HSP90AA1: variants seen among roughly 807,000 people sequenced by gnomAD.
HSP90AA1 encodes the protein heat shock protein 90 alpha family class A member 1, also known as heat shock protein HSP 90-alpha.
Under a neutral mutation model 73.3 loss-of-function variants are expected in HSP90AA1, and 18 were observed. That is an observed-to-expected ratio of 0.25 (90% CI 0.17 to 0.36). The LOEUF is 0.36. Ranked by LOEUF, HSP90AA1 falls within the 10% of genes least tolerant of loss-of-function variation. The probability of loss-of-function intolerance (pLI) is 1.00; values close to 1 mark genes in which losing one functional copy is unlikely to be tolerated. For missense variants in HSP90AA1, 704 were observed against 874.2 expected, an observed-to-expected ratio of 0.81 and a Z score of 2.45; for synonymous variants, 477 against 296.9, an observed-to-expected ratio of 1.61 and a Z score of -6.24.
intron 1 of HSP90AA1, among the ~76,000 whole-genome samples, chr14:102,110,654 AC>A (rs1321158108): frequency 6.7e-6 from 1 of 149,740 alleles, no homozygotes; most frequent in Non-Finnish European, 1.5e-5. Flanking sequence ...ATCTTGGCTC[AC>A]TGCAAGCTCC....
In HSP90AA1 at chr14:102,084,937, T is replaced by C; in HGVS notation, c.725A>G (p.Glu242Gly). The C allele has an allele frequency of 6.3e-7, 1 of 1,597,998 alleles. No individual in the cohort carries two copies. The highest frequency in any genetic ancestry group is 1.1e-5 in the South Asian group (1 of 90,720). ...DDEAEEKEDKEEEKEKEEKES... is the reference protein window; with the variant it reads ...DDEAEEKEDKGEEKEKEEKES... ...TTTCTCTTCTTTTTCTTTTTCTTCT[T>C]CTTTGTCTTCCTTTTCTTCAGCCTC... The change falls in exon 5 of 11, where the codon GAA (glutamate) becomes GGA (glycine). Residue 242 changes from glutamate (E) to glycine (G), a missense_variant. Transcript: ENST00000216281.
chr14:102,091,571 A>G (rs574788703), upstream of HSP90AA1, among the ~76,000 whole-genome samples: 3 of 152,104 alleles, frequency 2.0e-5, no homozygotes, highest in Admixed American at 6.5e-5. Flanking sequence ...GGCTGCAGTG[A>G]GCCGAGATTG....
Position 102,085,984 on chromosome 14 carries a change from A to T in HSP90AA1, c.303T>A (p.Ala101=). ...TAGTACCAAGGTTATTGATCAAGTC[A>T]GCCTTGGTCATTCCAATTCCAGTAT... ...IVDTGIGMTK[A]DLINNLGTIA... is the part of the protein sequence containing the mutation. The change falls in exon 3 of 11, where the codon GCT becomes GCA. Residue 101 remains alanine, a synonymous_variant. Transcript: ENST00000216281. 1 of 1,614,008 alleles carries T rather than the reference A, an allele frequency of 6.2e-7. No individual in the cohort carries two copies.
intron 6 of HSP90AA1, chr14:102,084,197 C>A (rs866811068): frequency 3.7e-5 from 25 of 674,456 alleles, no homozygotes; most frequent in Middle Eastern, 3.2e-4. Context: ...CCTCAGCCTG[C>A]CACTACATGG....
intron 1 of HSP90AA1, among the ~76,000 whole-genome samples, chr14:102,120,190 C>T (rs2049758211): frequency 6.6e-6 from 1 of 151,948 alleles, no homozygotes; most frequent in Non-Finnish European, 1.5e-5. Flanking sequence ...ACAGTGGGAC[C>T]CCATCTCTGC....
chr14:102,127,073 T>G (rs1376444483), intron 1 of HSP90AA1, among the ~76,000 whole-genome samples: 3 of 151,038 alleles, frequency 2.0e-5, no homozygotes, highest in African/African-American at 4.9e-5. Context: ...CTTCATAGCC[T>G]CCTCCCAATA....
In HSP90AA1 at chr14:102,106,786, T is replaced by C. The variant is rs371169808; in HGVS notation, c.156-4701A>G. On this transcript the variant is annotated intron_variant, in intron 1 of 11. Transcript: ENST00000334701. ...CTTGAACTCCTGACCTCAGGTGATC[T>C]ACCCACCTCGGCCTCCCAAAGTGCA... Among the ~76,000 whole-genome samples, 342 of 151,504 alleles carry C rather than the reference T, an allele frequency of 2.3e-3. 2 individuals are homozygous for C. Among genetic ancestry groups the C allele is most frequent in the African/African-American group, 7.7e-3 (315 of 40,936 alleles).
intron 1 of HSP90AA1, among the ~76,000 whole-genome samples, chr14:102,108,364 C>T (rs1412040827): frequency 6.6e-6 from 1 of 150,662 alleles, no homozygotes; most frequent in Non-Finnish European, 1.5e-5. Flanking sequence ...GCTAGGACTA[C>T]AGCCTTGTGC....
chr14:102,125,523 G>A (rs1566735668), intron 1 of HSP90AA1, among the ~76,000 whole-genome samples: 1 of 152,070 alleles, frequency 6.6e-6, no homozygotes, highest in South Asian at 2.1e-4. Flanking sequence ...GTGAACAATG[G>A]GCATGCTAAG....
At chr14:102,113,006 C>CA (rs1173205438) in intron 1 of HSP90AA1, among the ~76,000 whole-genome samples, 1 of 151,948 alleles carries the variant, frequency 6.6e-6, no homozygotes, top group Non-Finnish European at 1.5e-5. Flanking sequence ...TCATTTGTGT[C>CA]ATTTGTTTTG....
chr14:102,110,196 G>A (rs959963117), intron 1 of HSP90AA1, among the ~76,000 whole-genome samples: 2 of 152,134 alleles, frequency 1.3e-5, no homozygotes, highest in African/African-American at 4.8e-5. Context: ...GCCTCCCAAA[G>A]TGCTGGGATT....
intron 1 of HSP90AA1, among the ~76,000 whole-genome samples, chr14:102,107,119 C>T (rs1460447630): frequency 1.3e-5 from 2 of 152,000 alleles, no homozygotes; most frequent in Admixed American, 6.6e-5. Flanking sequence ...GAACTGTTGT[C>T]AATGACAATA....
At chr14:102,087,808 T>G (rs1399388769), upstream of HSP90AA1, among the ~76,000 whole-genome samples, 1 of 152,078 alleles carries the variant, frequency 6.6e-6, no homozygotes, top group Admixed American at 6.6e-5. Context: ...GGGGACTTGG[T>G]GAACAAATTC....
At chr14:102,104,814 A>G (rs1400861923) in intron 1 of HSP90AA1, among the ~76,000 whole-genome samples, 5 of 151,720 alleles carry the variant, frequency 3.3e-5, no homozygotes, top group Non-Finnish European at 2.9e-5. Flanking sequence ...CTCACATATG[A>G]GTGAGAACAT....
At chr14:102,137,323 C>CTATT (rs200125016) in intron 1 of HSP90AA1, among the ~76,000 whole-genome samples, 2 of 149,554 alleles carry the variant, frequency 1.3e-5, no homozygotes, top group Non-Finnish European at 3.0e-5. Context: ...ATTTATTTAT[C>CTATT]TATTTATTTA....
chr14:102,087,902 A>G (rs1380447989), upstream of HSP90AA1, among the ~76,000 whole-genome samples: 1 of 148,074 alleles, frequency 6.8e-6, no homozygotes, highest in East Asian at 2.0e-4. Context: ...TAAGTATCTA[A>G]CACTTTGGTG....
chr14:102,104,428 G>C (rs1237715067), intron 1 of HSP90AA1, among the ~76,000 whole-genome samples: 1 of 151,998 alleles, frequency 6.6e-6, no homozygotes, highest in Admixed American at 6.6e-5. Flanking sequence ...GGCCAGGCTG[G>C]TCTCAAACTC....
intron 1 of HSP90AA1, among the ~76,000 whole-genome samples, chr14:102,136,228 T>G (rs2049992003): frequency 6.6e-6 from 1 of 152,188 alleles, no homozygotes; most frequent in Admixed American, 6.5e-5. Context: ...AAGTTTGAAA[T>G]GAAAAAATAA....
At chr14:102,108,293 C>T (rs902514309) in intron 1 of HSP90AA1, among the ~76,000 whole-genome samples, 7 of 143,076 alleles carry the variant, frequency 4.9e-5, no homozygotes, top group African/African-American at 1.8e-4. Flanking sequence ...AAAAATTGGG[C>T]CTCGTTCTGT....
Sources: allele counts gnomAD v4.1 joint callset (sites outside exome capture counted in the v4.1 genomes callset), GRCh38; gene constraint gnomAD v4.1.1; transcripts MANE v1.5; gene names NCBI Gene and HGNC (gene_info 2026-07-23, HGNC 2026-07-21).